The following COL25A1 variants were observed in gnomAD, a reference collection of about 807,000 sequenced individuals.
The protein encoded by COL25A1 is collagen type XXV alpha 1 chain.
In COL25A1, 103 loss-of-function variants were observed where a neutral mutation model predicts 128.4. The ratio of observed to expected loss-of-function variants is 0.80; its 90% confidence interval spans 0.68 to 0.94. The LOEUF is 0.94. Among genes scored for constraint, COL25A1 ranks in the 40% least tolerant of loss-of-function variants. COL25A1 has a pLI of 0.00. For missense variants in COL25A1, 745 were observed against 840.0 expected (o/e 0.89, Z 1.40); for synonymous variants, 279 against 277.2 (o/e 1.01, Z -0.06).
chr4:108,952,127 T>A lies in COL25A1; in HGVS notation c.493-10690A>T, dbSNP rs114171013. Among the ~76,000 whole-genome samples the A allele has an allele frequency of 6.7e-3, 1,023 of 152,292 alleles. 8 individuals are homozygous for A. The highest frequency in any genetic ancestry group is 0.023 in the African/African-American group (969 of 41,574). On this transcript the variant is annotated intron_variant, in intron 8 of 37. Transcript: ENST00000399132. ...CTAAAAAATGCCCTGTCTCAATATATGGCAATCTGCATTATATATTATAAT... is the reference window on the plus strand; with the variant it reads ...CTAAAAAATGCCCTGTCTCAATATAAGGCAATCTGCATTATATATTATAAT...
chr4:109,258,375 C>A (rs1326426095), intron 3 of COL25A1, among the ~76,000 whole-genome samples: 1 of 152,060 alleles, frequency 6.6e-6, no homozygotes, highest in Non-Finnish European at 1.5e-5. Context: ...GCTCTATGAC[C>A]ATTTTACTAG....
chr4:109,243,131 A>G (rs1303950663), intron 3 of COL25A1, among the ~76,000 whole-genome samples: 2 of 152,108 alleles, frequency 1.3e-5, no homozygotes, highest in Non-Finnish European at 2.9e-5. Context: ...TTCGTTTCTT[A>G]ATATTAAACT....
intron 24 of COL25A1, among the ~76,000 whole-genome samples, chr4:108,857,461 T>G (rs895424972): frequency 6.6e-6 from 1 of 151,926 alleles, no homozygotes; most frequent in African/African-American, 2.4e-5. Context: ...TAACTAAAGA[T>G]ACTGTCCAAG....
chr4:108,961,776 AG>A (rs1288509067), intron 8 of COL25A1, among the ~76,000 whole-genome samples: 2 of 152,172 alleles, frequency 1.3e-5, no homozygotes, highest in African/African-American at 4.8e-5. Flanking sequence ...AATGATGACA[AG>A]GTCAAGATTT....
intron 35 of COL25A1, among the ~76,000 whole-genome samples, chr4:108,822,826 T>C (rs1731937663): frequency 6.6e-6 from 1 of 152,222 alleles, no homozygotes; most frequent in African/African-American, 2.4e-5. Flanking sequence ...TAATTCAGAA[T>C]AAAAGAATTT....
chr4:109,051,579 C>T (rs879405081), intron 3 of COL25A1, among the ~76,000 whole-genome samples: 8 of 148,568 alleles, frequency 5.4e-5, no homozygotes, highest in Non-Finnish European at 1.0e-4. Context: ...CTAAAAGGTA[C>T]GAAAATATAA....
intron 17 of COL25A1, 102 bp downstream of exon 17, chr4:108,889,599 A>G (rs778850523): frequency 1.6e-5 from 16 of 976,306 alleles, no homozygotes; most frequent in Non-Finnish European, 2.4e-5. Flanking sequence ...ATAAGAACAG[A>G]GTTATAACCA....
chr4:109,144,029 T>C (rs1221078101), intron 3 of COL25A1, among the ~76,000 whole-genome samples: 2 of 152,230 alleles, frequency 1.3e-5, no homozygotes, highest in Non-Finnish European at 2.9e-5. Flanking sequence ...TCTTCGTGGA[T>C]TTATCTACCT....
intron 3 of COL25A1, among the ~76,000 whole-genome samples, chr4:109,065,843 C>T (rs1336727411): frequency 1.3e-5 from 2 of 152,078 alleles, no homozygotes; most frequent in Non-Finnish European, 2.9e-5. Context: ...CACTGTATGG[C>T]AAGGTTTTTT....
At chr4:109,032,850 T>C (rs759517763) in intron 5 of COL25A1, among the ~76,000 whole-genome samples, 1 of 152,190 alleles carries the variant, frequency 6.6e-6, no homozygotes, top group Non-Finnish European at 1.5e-5. Context: ...AGCCACAGCA[T>C]GCTCGGAGTC....
intron 13 of COL25A1, among the ~76,000 whole-genome samples, chr4:108,901,748 T>C (rs1261347284): frequency 6.6e-6 from 1 of 152,258 alleles, no homozygotes; most frequent in Admixed American, 6.5e-5. Flanking sequence ...TTCAGACTTA[T>C]GGATCTCATT....
intron 5 of COL25A1, among the ~76,000 whole-genome samples, chr4:109,027,754 G>A (rs1758442466): frequency 1.3e-5 from 2 of 152,024 alleles, no homozygotes; most frequent in East Asian, 3.9e-4. Flanking sequence ...TGAGAAAAAA[G>A]AGCAGTAAAA....
chr4:109,210,012 C>G (rs1201030726), intron 3 of COL25A1, among the ~76,000 whole-genome samples: 1 of 151,392 alleles, frequency 6.6e-6, no homozygotes, highest in African/African-American at 2.4e-5. Context: ...ATTAGCACCA[C>G]TGCACTCCAG....
chr4:109,075,734 T>C (rs969023943), intron 3 of COL25A1, among the ~76,000 whole-genome samples: 2 of 152,152 alleles, frequency 1.3e-5, no homozygotes, highest in Non-Finnish European at 2.9e-5. Flanking sequence ...TTACCCACCA[T>C]ATAGTCCACA....
At chr4:109,276,116 T>C (rs529951668) in intron 3 of COL25A1, among the ~76,000 whole-genome samples, 15 of 152,284 alleles carry the variant, frequency 9.9e-5, no homozygotes, top group African/African-American at 3.6e-4. Flanking sequence ...GGATAAAGAT[T>C]GTCTTATTTC....
At chr4:109,288,788 G>T (rs905578638) in intron 3 of COL25A1, among the ~76,000 whole-genome samples, 1 of 152,002 alleles carries the variant, frequency 6.6e-6, no homozygotes, top group Non-Finnish European at 1.5e-5. Context: ...TAGCACCACC[G>T]CATGGGCCTA....
At chr4:109,284,275 A>C (rs1578636155) in intron 3 of COL25A1, among the ~76,000 whole-genome samples, 1 of 152,322 alleles carries the variant, frequency 6.6e-6, no homozygotes, top group East Asian at 1.9e-4. Context: ...AAATACAAAA[A>C]TTAGCCAGTC....
At chr4:109,034,578 C>A (rs1159226696) in intron 5 of COL25A1, among the ~76,000 whole-genome samples, 1 of 152,126 alleles carries the variant, frequency 6.6e-6, no homozygotes, top group Non-Finnish European at 1.5e-5. Flanking sequence ...AAAATGATGA[C>A]CTAGCTTGGA....
At chr4:109,127,598 G>T (rs1242886156) in intron 3 of COL25A1, among the ~76,000 whole-genome samples, 2 of 151,998 alleles carry the variant, frequency 1.3e-5, no homozygotes, top group East Asian at 3.8e-4. Flanking sequence ...AAAGTGCTAG[G>T]ATTACAAGTG....
Sources: allele counts gnomAD v4.1 joint callset (sites outside exome capture counted in the v4.1 genomes callset), GRCh38; gene constraint gnomAD v4.1.1; transcripts MANE v1.5; gene names NCBI Gene and HGNC (gene_info 2026-07-23, HGNC 2026-07-21).